Variants in CD80 observed in about 807,000 individuals in gnomAD.
CD80 encodes T-lymphocyte activation antigen CD80.
Under a neutral mutation model 27.1 loss-of-function variants are expected in CD80, and 13 were observed. That is an observed-to-expected ratio of 0.48 (90% CI 0.31 to 0.76). The LOEUF (loss-of-function observed/expected upper bound fraction) is 0.76. Ranked by LOEUF, CD80 falls within the 30% of genes least tolerant of loss-of-function variation. CD80 has a pLI of 0.04. For missense variants in CD80, 277 were observed against 347.9 expected (o/e 0.80, Z 1.62); for synonymous variants, 125 against 125.5 (o/e 1.00, Z 0.03).
intron 3 of CD80, among the ~76,000 whole-genome samples, chr3:119,540,212 G>A (rs1577109606): frequency 6.6e-6 from 1 of 152,310 alleles, no homozygotes; most frequent in Non-Finnish European, 1.5e-5. Context: ...GCCTCCCAAA[G>A]TGCTGGGATT....
chr3:119,526,936 A>G (rs1173908128), intron 6 of CD80, among the ~76,000 whole-genome samples: 1 of 152,184 alleles, frequency 6.6e-6, no homozygotes, highest in Non-Finnish European at 1.5e-5. Flanking sequence ...CTAATGTCCC[A>G]TGTAAGTTTC....
chr3:119,529,813 G>C, intron 5 of CD80, 29 bp downstream of exon 5: 1 of 1,410,510 alleles, frequency 7.1e-7, no homozygotes, highest in Non-Finnish European at 1.0e-6. Context: ...CCAGAATTGA[G>C]ATCAGGATGA....
At chr3:119,537,937 G>T (rs1222958813) in intron 3 of CD80, among the ~76,000 whole-genome samples, 1 of 152,200 alleles carries the variant, frequency 6.6e-6, no homozygotes, top group Non-Finnish European at 1.5e-5. Flanking sequence ...CACTTTTGAT[G>T]GAGATAGGAG....
intron 2 of CD80, among the ~76,000 whole-genome samples, chr3:119,549,464 T>C (rs75463499): frequency 0.031 from 4,678 of 152,278 alleles, 119 homozygotes; most frequent in African/African-American, 0.067. Flanking sequence ...CAGCGCCCCC[T>C]GCCCAGTGCT....
At chr3:119,556,263 C>T (rs534081972) in intron 2 of CD80, among the ~76,000 whole-genome samples, 5 of 152,182 alleles carry the variant, frequency 3.3e-5, no homozygotes, top group African/African-American at 9.6e-5. Flanking sequence ...TACCTCTGAC[C>T]CTAATTTTCC....
intron 3 of CD80, among the ~76,000 whole-genome samples, chr3:119,543,533 T>G (rs1012480132): frequency 6.6e-6 from 1 of 151,868 alleles, no homozygotes; most frequent in African/African-American, 2.4e-5. Flanking sequence ...CTCTGCTCAC[T>G]GCAACCTCCG....
chr3:119,549,861 T>C (rs1378925549), intron 2 of CD80, among the ~76,000 whole-genome samples: 4 of 152,208 alleles, frequency 2.6e-5, no homozygotes, highest in African/African-American at 7.2e-5. Flanking sequence ...TAGCTAAAGA[T>C]CAAATGACAA....
Position 119,524,644 on chromosome 3 carries a change from T to A in CD80, c.*1144A>T, listed in dbSNP as rs1187785218. On this transcript the variant is annotated 3_prime_UTR_variant, in exon 7 of 7. Coordinates refer to ENST00000264246, the MANE Select transcript of CD80 (RefSeq NM_005191.4). ...TGTGCATTTGAGAAATGTTGTCTTC[T>A]TTTGCTGTTCAACTCCAGATTTTCA... 2 of 152,242 alleles carry A rather than the reference T, an allele frequency of 1.3e-5. No homozygotes were observed. Among genetic ancestry groups the A allele is most frequent in the African/African-American group, 4.8e-5 (2 of 41,470 alleles). 9.4% of individuals were successfully genotyped at this position (152,242 alleles called of 1,614,324 possible).
chr3:119,546,563 C>T (rs985202283), intron 2 of CD80, among the ~76,000 whole-genome samples: 2 of 152,012 alleles, frequency 1.3e-5, no homozygotes, highest in African/African-American at 4.8e-5. Context: ...ATGAGGTCAA[C>T]TAAGAAGAAA....
intron 4 of CD80, among the ~76,000 whole-genome samples, chr3:119,533,694 A>G (rs2930784): frequency 0.71 from 108,135 of 152,088 alleles, 38,691 homozygotes; most frequent in East Asian, 0.88. Flanking sequence ...GCCTTCTGCC[A>G]TGATTTGTGA....
chr3:119,539,620 G>A (rs903780831), intron 3 of CD80, among the ~76,000 whole-genome samples: 1 of 152,076 alleles, frequency 6.6e-6, no homozygotes, highest in Non-Finnish European at 1.5e-5. Context: ...ATAAGATTCT[G>A]AAGTACAAAG....
intron 3 of CD80, among the ~76,000 whole-genome samples, chr3:119,541,400 C>T (rs914239457): frequency 6.6e-6 from 1 of 152,162 alleles, no homozygotes; most frequent in Non-Finnish European, 1.5e-5. Flanking sequence ...TATTATATTA[C>T]CATTTTGCAA....
intron 3 of CD80, among the ~76,000 whole-genome samples, chr3:119,540,675 A>G (rs74973671): frequency 0.12 from 17,991 of 152,256 alleles, 1,356 homozygotes; most frequent in Admixed American, 0.18. Context: ...AATTATTAAT[A>G]TGATTCATGT....
At chr3:119,539,341 G>A (rs2082155343) in intron 3 of CD80, among the ~76,000 whole-genome samples, 1 of 151,780 alleles carries the variant, frequency 6.6e-6, no homozygotes, top group Non-Finnish European at 1.5e-5. Flanking sequence ...ATGAAGCTAT[G>A]CTAGCTTTCA....
intron 4 of CD80, among the ~76,000 whole-genome samples, chr3:119,534,598 A>G (rs1403906511): frequency 2.0e-5 from 3 of 152,174 alleles, no homozygotes; most frequent in Admixed American, 6.6e-5. Flanking sequence ...CCATATTCCA[A>G]TATAAATAAT....
intron 3 of CD80, among the ~76,000 whole-genome samples, chr3:119,537,966 G>C (rs1467186765): frequency 1.3e-5 from 2 of 152,186 alleles, no homozygotes; most frequent in Non-Finnish European, 2.9e-5. Flanking sequence ...TTACAGAAAG[G>C]AGAAGTAGGT....
chr3:119,527,445 C>A, intron 6 of CD80: 1 of 311,264 alleles, frequency 3.2e-6, no homozygotes, highest in Non-Finnish European at 5.9e-6. Context: ...GAAGTTACCA[C>A]AGGAATATTC....
At chr3:119,550,639 G>A (rs775027221) in intron 2 of CD80, among the ~76,000 whole-genome samples, 8 of 152,272 alleles carry the variant, frequency 5.3e-5, no homozygotes, top group Non-Finnish European at 8.8e-5. Flanking sequence ...AGTGACTGGC[G>A]GGGAAAGTCA....
At chr3:119,543,295 C>A (rs2082180594) in intron 3 of CD80, among the ~76,000 whole-genome samples, 1 of 152,158 alleles carries the variant, frequency 6.6e-6, no homozygotes, top group Non-Finnish European at 1.5e-5. Context: ...TTTCCGAGAC[C>A]AGAAATGCTT....
Sources: allele counts gnomAD v4.1 joint callset (sites outside exome capture counted in the v4.1 genomes callset), GRCh38; gene constraint gnomAD v4.1.1; transcripts MANE v1.5; gene names NCBI Gene and HGNC (gene_info 2026-07-23, HGNC 2026-07-21).